The following OLA1 variants were observed in gnomAD, a reference collection of about 807,000 sequenced individuals.
OLA1 encodes the protein Obg like ATPase 1, also known as obg-like ATPase 1.
A neutral mutation model predicts 48.4 loss-of-function variants in OLA1; 14 were observed. The ratio of observed to expected loss-of-function variants is 0.29; its 90% CI spans 0.19 to 0.45. The LOEUF (loss-of-function observed/expected upper bound fraction) is 0.45, where lower values mean the gene tolerates loss of function less well. OLA1 is among the 20% of genes least tolerant of loss of function. OLA1 has a pLI of 1.00. For missense variants in OLA1, 325 were observed against 467.1 expected (o/e 0.70, Z 2.80); for synonymous variants, 127 against 150.4 (o/e 0.84, Z 1.14).
At chr2:174,146,653 G>A (rs974816744) in intron 4 of OLA1, among the ~76,000 whole-genome samples, 5 of 152,148 alleles carry the variant, frequency 3.3e-5, no homozygotes, top group Non-Finnish European at 7.4e-5. Flanking sequence ...CTGACCTAAA[G>A]TCAGAGAAAA....
rs983174834 is a variant in OLA1 at position 174,075,347 on chromosome 2, T to C, written c.*79A>G. ...CATCTCCCCAACTTTATTTGTCGCA[T>C]TGGTTTTCAGAAATTTTAATTTTTT... On this transcript the variant is annotated 3_prime_UTR_variant, in exon 11 of 11. Coordinates refer to ENST00000284719, the MANE Select transcript of OLA1 (RefSeq NM_013341.5). 14 of 762,366 alleles carry C rather than the reference T, an allele frequency of 1.8e-5. No homozygotes were observed. The highest frequency in any genetic ancestry group is 1.5e-4 in the Admixed American group (6 of 39,842). The allele number at this position is 762,366 out of a possible 1,614,324, so 47.2% of individuals were successfully genotyped here.
At chr2:174,244,698 A>G (rs1156507019) in intron 2 of OLA1, among the ~76,000 whole-genome samples, 1 of 151,284 alleles carries the variant, frequency 6.6e-6, no homozygotes, top group East Asian at 1.9e-4. Context: ...ACCTTGGCTC[A>G]CTGCAACCTC....
chr2:174,096,388 T>C (rs1257470602), intron 7 of OLA1, among the ~76,000 whole-genome samples: 2 of 152,186 alleles, frequency 1.3e-5, no homozygotes, highest in Non-Finnish European at 2.9e-5. Context: ...AACCACTGAA[T>C]TGTGTGCTTT....
At chr2:174,102,013 A>G (rs1190552785) in intron 7 of OLA1, among the ~76,000 whole-genome samples, 1 of 152,210 alleles carries the variant, frequency 6.6e-6, no homozygotes, top group East Asian at 1.9e-4. Flanking sequence ...ATTTAGTACG[A>G]TAAGAGAATA....
chr2:174,134,579 T>C (rs1161032778), intron 5 of OLA1, among the ~76,000 whole-genome samples: 1 of 152,240 alleles, frequency 6.6e-6, no homozygotes, highest in South Asian at 2.1e-4. Context: ...TAAAACATGT[T>C]ATCATTATTG....
intron 4 of OLA1, among the ~76,000 whole-genome samples, chr2:174,170,242 G>GA (rs1014666064): frequency 6.0e-5 from 9 of 150,304 alleles, no homozygotes; most frequent in Non-Finnish European, 1.0e-4. Context: ...CAAAAAGAAA[G>GA]AAAAAAAATA....
intron 4 of OLA1, among the ~76,000 whole-genome samples, chr2:174,152,699 T>G (rs1686774994): frequency 6.6e-6 from 1 of 152,232 alleles, no homozygotes. Context: ...GGTCTAGTAA[T>G]GTAAACTGTT....
In OLA1 at chr2:174,130,088, C is replaced by G. The variant is rs551061655; in HGVS notation, c.550-6413G>C. Among the ~76,000 whole-genome samples, 3 of 152,046 alleles carry G rather than the reference C, an allele frequency of 2.0e-5. No homozygotes were observed. The South Asian group carries it at 6.3e-4, about 32-fold the overall frequency. Reference sequence around the variant, plus strand: ...ATCCTCCAACTATTCCCTTTAAACACCCGAAATTGAAGAAAAAAAATCAAA... The same window carrying G: ...ATCCTCCAACTATTCCCTTTAAACAGCCGAAATTGAAGAAAAAAAATCAAA... On this transcript the variant is annotated intron_variant, in intron 5 of 10. Transcript: ENST00000284719.
Position 174,223,407 on chromosome 2 carries a change from T to G in OLA1, c.246-247A>C, listed in dbSNP as rs555850195. 4.7e-4 allele frequency among the ~76,000 whole-genome samples: 72 copies of G among 152,304 alleles called. No individual in the cohort carries two copies. The South Asian group carries it at 0.015, about 31-fold the overall frequency. On this transcript the variant is annotated intron_variant, in intron 3 of 10. Transcript: ENST00000284719. ...ACAGAATAAATGTATTTATCGTGTT[T>G]CTGAAATTAAAACTCTTATCATTAA...
intron 4 of OLA1, among the ~76,000 whole-genome samples, chr2:174,202,455 A>C (rs2105433423): frequency 6.6e-6 from 1 of 152,334 alleles, no homozygotes; most frequent in East Asian, 1.9e-4. Context: ...TGTGTATTAC[A>C]GTAAAAAGTG....
chr2:174,222,518 A>G (rs537297674), intron 4 of OLA1, among the ~76,000 whole-genome samples: 145 of 152,190 alleles, frequency 9.5e-4, no homozygotes, highest in African/African-American at 3.3e-3. Context: ...ACAGAGCCCA[A>G]ACTAAGCCAC....
At chr2:174,104,496 A>C (rs1685470181) in intron 7 of OLA1, among the ~76,000 whole-genome samples, 1 of 152,148 alleles carries the variant, frequency 6.6e-6, no homozygotes, top group South Asian at 2.1e-4. Flanking sequence ...CTAATGCAGC[A>C]TAACATAGCA....
intron 4 of OLA1, among the ~76,000 whole-genome samples, chr2:174,220,829 T>G (rs1688483378): frequency 6.6e-6 from 1 of 152,188 alleles, no homozygotes; most frequent in African/African-American, 2.4e-5. Context: ...TAAAATTCAG[T>G]GATAAACTAA....
chr2:174,094,819 T>A (rs1574477722), intron 7 of OLA1, among the ~76,000 whole-genome samples: 1 of 152,302 alleles, frequency 6.6e-6, no homozygotes, highest in East Asian at 1.9e-4. Flanking sequence ...ACCTTCCTGT[T>A]CCCCTGACAA....
chr2:174,086,040 T>C (rs1233953192), intron 7 of OLA1, among the ~76,000 whole-genome samples: 1 of 150,660 alleles, frequency 6.6e-6, no homozygotes, highest in Non-Finnish European at 1.5e-5. Flanking sequence ...AGTCTGGTGG[T>C]CCCCAGGATT....
At position 174,225,984 on chromosome 2, in the gene OLA1, A is replaced by G. The variant is rs187463277; in HGVS notation, c.246-2824T>C. On this transcript the variant is annotated intron_variant, in intron 3 of 10. Coordinates refer to ENST00000284719, the MANE Select transcript of OLA1 (RefSeq NM_013341.5). Reference sequence around the variant, plus strand: ...CCGAGGCGGGCGGATCACGAGGTCAAGAGATCGAGACCATCCCGGCTAAAA... The same window carrying G: ...CCGAGGCGGGCGGATCACGAGGTCAGGAGATCGAGACCATCCCGGCTAAAA... Among the ~76,000 whole-genome samples the G allele has an allele frequency of 5.9e-4, 25 of 42,446 alleles. 1 individual carries two copies. The highest frequency in any genetic ancestry group is 6.5e-4 in the Non-Finnish European group (13 of 20,122). 27.8% of individuals were successfully genotyped at this position (42,446 alleles called of 152,430 possible).
chr2:174,137,324 T>G (rs977916312), intron 5 of OLA1, among the ~76,000 whole-genome samples: 3 of 152,126 alleles, frequency 2.0e-5, no homozygotes, highest in African/African-American at 7.2e-5. Flanking sequence ...TGTAAACAGA[T>G]GTGCTGTCAT....
intron 4 of OLA1, among the ~76,000 whole-genome samples, chr2:174,189,619 G>A (rs1032533278): frequency 6.6e-6 from 1 of 152,106 alleles, no homozygotes; most frequent in African/African-American, 2.4e-5. Context: ...AAATATGCAG[G>A]TTTAACACAT....
chr2:174,085,981 A>T (rs1180370969), intron 7 of OLA1, among the ~76,000 whole-genome samples: 1 of 151,968 alleles, frequency 6.6e-6, no homozygotes, highest in Non-Finnish European at 1.5e-5. Flanking sequence ...CATATGGGCT[A>T]TATTTGTGTA....
Sources: gnomAD v4.1 joint callset for allele counts (sites outside exome capture counted in the v4.1 genomes callset) on GRCh38, gnomAD v4.1.1 for gene constraint, MANE v1.5 for transcripts, NCBI Gene and HGNC (gene_info 2026-07-23, HGNC 2026-07-21) for gene names.